PSMD1: variants seen among roughly 807,000 people sequenced by gnomAD.
The protein encoded by PSMD1 is 26S proteasome non-ATPase regulatory subunit 1.
In PSMD1, 18 loss-of-function variants were observed where a neutral mutation model predicts 119.0. The observed-to-expected ratio is 0.15, with a 90% CI of 0.10 to 0.22. The LOEUF is 0.22. PSMD1 is among the 10% of genes least tolerant of loss of function. The probability of loss-of-function intolerance (pLI) is 1.00; values close to 1 mark genes in which losing one functional copy is unlikely to be tolerated. For synonymous variants in PSMD1, 374 were observed against 396.6 expected, an observed-to-expected ratio of 0.94 and a Z score of 0.68; for missense variants, 702 against 1,158.5, an observed-to-expected ratio of 0.61 and a Z score of 5.72.
At chr2:231,117,791 C>A (rs145109996) in intron 16 of PSMD1, among the ~76,000 whole-genome samples, 146 of 152,204 alleles carry the variant, frequency 9.6e-4, no homozygotes, top group African/African-American at 3.4e-3. Flanking sequence ...TATAGGTTGA[C>A]GCACAAGTAT....
chr2:231,147,209 T>G (rs898525990), intron 18 of PSMD1, among the ~76,000 whole-genome samples: 2 of 152,214 alleles, frequency 1.3e-5, no homozygotes, highest in African/African-American at 4.8e-5. Flanking sequence ...AATTCTCTGA[T>G]GAGCCCAGCA....
chr2:231,157,635 C>T (rs1191414116), intron 19 of PSMD1, among the ~76,000 whole-genome samples: 7 of 151,788 alleles, frequency 4.6e-5, no homozygotes, highest in East Asian at 1.9e-4. Flanking sequence ...GGCATGATCT[C>T]GGCTCACTGC....
intron 16 of PSMD1, chr2:231,108,573 G>A (rs769781517): frequency 2.5e-6 from 4 of 1,613,920 alleles, no homozygotes; most frequent in East Asian, 2.2e-5. Context: ...GTGAGGAGAA[G>A]CGTATCTAGT....
At chr2:231,123,163 CTT>C (rs564940082) in intron 16 of PSMD1, among the ~76,000 whole-genome samples, 1 of 151,958 alleles carries the variant, frequency 6.6e-6, no homozygotes, top group Non-Finnish European at 1.5e-5. Flanking sequence ...ACTTGAATGA[CTT>C]TTTAAATGAT....
intron 16 of PSMD1, among the ~76,000 whole-genome samples, chr2:231,137,932 C>T (rs1378775264): frequency 6.6e-6 from 1 of 152,206 alleles, no homozygotes; most frequent in Non-Finnish European, 1.5e-5. Context: ...AAAACATGCA[C>T]AAAATCATTA....
chr2:231,057,755 A>G (rs1187491458), intron 1 of PSMD1, among the ~76,000 whole-genome samples: 1 of 152,260 alleles, frequency 6.6e-6, no homozygotes, highest in East Asian at 1.9e-4. Flanking sequence ...ACCATTGCAT[A>G]GGTAGATTCA....
chr2:231,140,707 A>AACTCT (rs1167487498), intron 17 of PSMD1, among the ~76,000 whole-genome samples: 5 of 144,546 alleles, frequency 3.5e-5, no homozygotes, highest in Admixed American at 3.4e-4. Context: ...GCAAAACCCC[A>AACTCT]ACTCTACTAA....
In PSMD1 at chr2:231,059,501, G is replaced by A. The variant is rs114821469; in HGVS notation, c.17-1766G>A. ...GACTATGCAGGGGAATGGAGAGAGA[G>A]AGAGAGGTGCTTCCAGGCGGGAGAT... On this transcript the variant is annotated intron_variant, in intron 1 of 24. Coordinates refer to ENST00000308696, the MANE Select transcript of PSMD1 (RefSeq NM_002807.4). Among the ~76,000 whole-genome samples the A allele has an allele frequency of 4.7e-3, 722 of 152,324 alleles. 2 individuals are homozygous for A. The highest frequency in any genetic ancestry group is 6.6e-3 in the Non-Finnish European group (446 of 68,034).
intron 16 of PSMD1, among the ~76,000 whole-genome samples, chr2:231,096,225 T>C (rs1694721536): frequency 6.6e-6 from 1 of 152,244 alleles, no homozygotes; most frequent in African/African-American, 2.4e-5. Flanking sequence ...GCTGCTTGCC[T>C]AAGACAGAAT....
At chr2:231,131,161 G>T (rs1367314756) in intron 16 of PSMD1, among the ~76,000 whole-genome samples, 1 of 152,102 alleles carries the variant, frequency 6.6e-6, no homozygotes, top group Non-Finnish European at 1.5e-5. Context: ...AGTTTAATGT[G>T]TTGTTTGGTC....
At chr2:231,167,272 T>C (rs1032464910) in intron 23 of PSMD1, among the ~76,000 whole-genome samples, 5 of 152,182 alleles carry the variant, frequency 3.3e-5, no homozygotes, top group Admixed American at 3.3e-4. Flanking sequence ...TGTAAACTTA[T>C]CTTACCAGTA....
At chr2:231,165,024 TTATATATA>T (rs1336028080) in intron 21 of PSMD1, 168 bp from the exon 22 acceptor site, 2 of 138,716 alleles carry the variant, frequency 1.4e-5, no homozygotes, top group African/African-American at 6.5e-5. Flanking sequence ...ATTCTTTGAT[TTATATATA>T]TTTATATATA....
At chr2:231,092,578 C>T (rs182059677) in intron 16 of PSMD1, among the ~76,000 whole-genome samples, 4 of 152,272 alleles carry the variant, frequency 2.6e-5, no homozygotes, top group Admixed American at 1.3e-4. Context: ...GTCCCTCCAT[C>T]GGCCCAAATT....
At chr2:231,146,486 AT>A in intron 18 of PSMD1, 130 bp downstream of exon 18, 1 of 662,624 alleles carries the variant, frequency 1.5e-6, no homozygotes, top group Non-Finnish European at 2.6e-6. Context: ...TAAAGAGAGC[AT>A]TTTAGAGTAT....
intron 16 of PSMD1, among the ~76,000 whole-genome samples, chr2:231,096,319 AT>A (rs372634778): frequency 6.6e-6 from 1 of 151,714 alleles, no homozygotes; most frequent in Non-Finnish European, 1.5e-5. Context: ...CCTTTTTGTT[AT>A]TTTTTTCTGT....
intron 16 of PSMD1, among the ~76,000 whole-genome samples, chr2:231,117,578 A>G (rs889808938): frequency 1.3e-5 from 2 of 152,170 alleles, no homozygotes; most frequent in Non-Finnish European, 2.9e-5. Context: ...TCTAAAGAAT[A>G]TCAGTAGCAC....
intron 16 of PSMD1, among the ~76,000 whole-genome samples, chr2:231,136,955 TATA>T (rs1695980750): frequency 6.9e-6 from 1 of 144,314 alleles, no homozygotes; most frequent in South Asian, 2.1e-4. Flanking sequence ...TATATTTACA[TATA>T]GTATATATAT....
Position 231,165,260 on chromosome 2 carries a change from A to G in PSMD1, c.2542A>G (p.Lys848Glu), listed in dbSNP as rs754224200. The G allele has an allele frequency of 6.2e-7, 1 of 1,603,514 alleles. No homozygotes were observed. Among genetic ancestry groups the G allele is most frequent in the South Asian group, 1.1e-5 (1 of 90,360 alleles). ...TAAAAAGAAGGAAAAAGAAAAGGAA[A>G]AAAAGGAGGAGGAGAAAATGGAAGT... is the stretch of plus-strand genomic sequence containing the variant. The part of the protein sequence containing the change: ...KAKKKEKEKE[K>E]KEEEKMEVDE... The change falls in exon 22 of 25, where the codon AAA becomes GAA. Residue 848 changes from lysine to glutamate, a missense_variant. Coordinates refer to ENST00000308696, the MANE Select transcript of PSMD1 (RefSeq NM_002807.4).
At chr2:231,108,384 A>G (rs1695027015) in intron 16 of PSMD1, 1 of 684,262 alleles carries the variant, frequency 1.5e-6, no homozygotes, top group Admixed American at 2.6e-5. Flanking sequence ...AGATATTCTT[A>G]ATACTTACAT....
Sources: gnomAD v4.1 joint callset for allele counts (sites outside exome capture counted in the v4.1 genomes callset) on GRCh38, gnomAD v4.1.1 for gene constraint, MANE v1.5 for transcripts, NCBI Gene and HGNC (gene_info 2026-07-23, HGNC 2026-07-21) for gene names.